The following ZNF430 variants were observed in gnomAD, a reference collection of about 807,000 sequenced individuals.
The protein encoded by ZNF430 is zinc finger protein 430.
In ZNF430, 35 loss-of-function variants were observed where a neutral mutation model predicts 56.7. The ratio of observed to expected loss-of-function variants is 0.62; its 90% CI spans 0.47 to 0.82. The LOEUF is 0.82. Ranked by LOEUF, ZNF430 falls within the 40% of genes least tolerant of loss-of-function variation. The pLI is 0.00. For synonymous variants in ZNF430, 212 were observed against 224.3 expected, an observed-to-expected ratio of 0.94 and a Z score of 0.49; for missense variants, 574 against 661.0, an observed-to-expected ratio of 0.87 and a Z score of 1.44.
chr19:21,037,332 GGTCTC>G (rs199782745), intron 4 of ZNF430, among the ~76,000 whole-genome samples: 2,297 of 151,990 alleles, frequency 0.015, 64 homozygotes, highest in African/African-American at 0.053. Context: ...TGGTCAGGCT[GGTCTC>G]AAACTCCTGA....
intron 2 of ZNF430, 130 bp from the exon 3 acceptor site, chr19:21,033,326 T>A: frequency 7.8e-7 from 1 of 1,274,726 alleles, no homozygotes; most frequent in Non-Finnish European, 1.0e-6. Context: ...AATTATTGGA[T>A]AATTTCAGTC....
chr19:21,040,970 C>T (rs57601660), intron 4 of ZNF430, among the ~76,000 whole-genome samples: 4,786 of 152,162 alleles, frequency 0.031, 238 homozygotes, highest in African/African-American at 0.11. Context: ...TTACTGCCAC[C>T]TCACCCAATT....
At chr19:21,038,786 G>T (rs1311674088) in intron 4 of ZNF430, among the ~76,000 whole-genome samples, 1 of 152,076 alleles carries the variant, frequency 6.6e-6, no homozygotes, top group African/African-American at 2.4e-5. Context: ...TGGGTGTTTG[G>T]CTATAGTTCA....
At position 21,033,715 on chromosome 19, in the gene ZNF430, G is replaced by A. The variant is rs997291394; in HGVS notation, c.223+133G>A. ...TACTTGTTCTTAAGAAAACCTTGAG[G>A]ATTTTTCCATATAGGAAAGAATTTT... On this transcript the variant is annotated intron_variant, in intron 3 of 4. Transcript: ENST00000261560. 1.1e-5 allele frequency: 12 copies of A among 1,133,052 alleles called. No homozygotes were observed. The African/African-American group carries it at 1.8e-4, about 17-fold the overall frequency. 70.2% of individuals were successfully genotyped at this position (1,133,052 alleles called of 1,614,324 possible).
chr19:21,048,448 C>G (rs1474991245), intron 4 of ZNF430, among the ~76,000 whole-genome samples: 1 of 151,734 alleles, frequency 6.6e-6, no homozygotes, highest in African/African-American at 2.4e-5. Context: ...CGCCCTTAAT[C>G]CATTTAACCC....
At chr19:21,052,880 G>A (rs1318507432) in intron 4 of ZNF430, among the ~76,000 whole-genome samples, 2 of 152,128 alleles carry the variant, frequency 1.3e-5, no homozygotes, top group Non-Finnish European at 2.9e-5. Context: ...GCAAGATTGA[G>A]TGTCTGGCAT....
At chr19:21,035,994 G>T (rs981111004) in intron 4 of ZNF430, 8 of 152,078 alleles carry the variant, frequency 5.3e-5, no homozygotes, top group African/African-American at 1.9e-4. Context: ...TTTTTTAATG[G>T]TATATCAGTG....
At chr19:21,049,953 C>G (rs1968256157) in intron 4 of ZNF430, among the ~76,000 whole-genome samples, 1 of 149,820 alleles carries the variant, frequency 6.7e-6, no homozygotes, top group African/African-American at 2.5e-5. Context: ...GAGACAGAGT[C>G]TCTCTCTGTC....
At position 21,056,704 on chromosome 19, in the gene ZNF430, G is replaced by C; in HGVS notation, c.396G>C (p.Leu132Phe). Residue 132 changes from leucine to phenylalanine, a missense_variant, in exon 5 of 5, where the codon TTG becomes TTC. By Grantham distance (22) the Leu-to-Phe change is conservative. Coordinates refer to ENST00000261560, the MANE Select transcript of ZNF430 (RefSeq NM_025189.4). ...AAGATTCTTTCCAAGAAGTCATATT[G>C]AGAAGATATGGAAAATGTGGACATG... ...GIKDSFQEVI[L>F]RRYGKCGHED... The C allele has an allele frequency of 6.2e-7, 1 of 1,606,452 alleles. No individual in the cohort carries two copies. Among genetic ancestry groups the C allele is most frequent in the South Asian group, 1.1e-5 (1 of 89,590 alleles).
At chr19:21,051,431 G>A (rs1749128007) in intron 4 of ZNF430, among the ~76,000 whole-genome samples, 1 of 152,152 alleles carries the variant, frequency 6.6e-6, no homozygotes, top group Non-Finnish European at 1.5e-5. Context: ...CAATAATTAT[G>A]GATATGCAAA....
intron 2 of ZNF430, among the ~76,000 whole-genome samples, chr19:21,023,298 A>T (rs972215200): frequency 4.9e-4 from 75 of 152,264 alleles, no homozygotes; most frequent in African/African-American, 1.7e-3. Context: ...TGAGTCAGAC[A>T]CATCTGTTTT....
intron 2 of ZNF430, among the ~76,000 whole-genome samples, chr19:21,027,940 T>C (rs960499322): frequency 1.3e-5 from 2 of 152,236 alleles, no homozygotes; most frequent in African/African-American, 4.8e-5. Context: ...TCATGTTGCC[T>C]CAGCTTTTTC....
intron 4 of ZNF430, among the ~76,000 whole-genome samples, chr19:21,056,156 T>C (rs1968372280): frequency 6.6e-6 from 1 of 152,182 alleles, no homozygotes; most frequent in Admixed American, 6.5e-5. Context: ...TTGTTGGATG[T>C]TTTTGTTACA....
intron 4 of ZNF430, chr19:21,036,222 GTGTT>G (rs1002026866): frequency 2.7e-5 from 5 of 185,550 alleles, no homozygotes; most frequent in Non-Finnish European, 4.1e-5. Context: ...ATGTGTGTGT[GTGTT>G]TATCTATAAA....
At chr19:21,048,091 A>T (rs141863314) in intron 4 of ZNF430, among the ~76,000 whole-genome samples, 1 of 149,200 alleles carries the variant, frequency 6.7e-6, no homozygotes, top group South Asian at 2.1e-4. Context: ...TTTTTTGCAT[A>T]CTTTTTATAA....
Position 21,056,673 on chromosome 19 carries a change from G to A in ZNF430, c.365G>A (p.Gly122Asp), listed in dbSNP as rs1355880085. The A allele has an allele frequency of 6.3e-7, 1 of 1,584,938 alleles. No individual in the cohort carries two copies. Among genetic ancestry groups the A allele is most frequent in the East Asian group, 2.2e-5 (1 of 44,560 alleles). The change falls in exon 5 of 5, where the codon GGC (glycine) becomes GAC (aspartate). Residue 122 changes from glycine (G) to aspartate (D), a missense_variant. Transcript: ENST00000261560. ...GCCCAAGACCTTTGGCCAGAGCAGGGCATAAAAGATTCTTTCCAAGAAGTC... is the reference window on the plus strand; with the variant it reads ...GCCCAAGACCTTTGGCCAGAGCAGGACATAAAAGATTCTTTCCAAGAAGTC... ...HFAQDLWPEQ[G>D]IKDSFQEVIL... is the part of the protein sequence containing the mutation.
chr19:21,024,611 C>G (rs1181991485), intron 2 of ZNF430, among the ~76,000 whole-genome samples: 2 of 151,824 alleles, frequency 1.3e-5, no homozygotes, highest in Admixed American at 1.3e-4. Flanking sequence ...AACCCCGTCT[C>G]TACTAAAAAT....
chr19:21,020,859 G>C, intron 1 of ZNF430, 56 bp downstream of exon 1: 1 of 1,611,928 alleles, frequency 6.2e-7, no homozygotes, highest in Non-Finnish European at 8.5e-7. Flanking sequence ...TGTAATGGGT[G>C]GGAAGTGGCT....
rs1054448225 is a variant in ZNF430, at chr19:21,020,735, G to C, written c.-66G>C. ...TGCTCCTAGAGGTCCAGGCTCTGTG[G>C]CCCTGTGACCCGCAGGTATTGGGAG... On this transcript the variant is annotated 5_prime_UTR_variant, in exon 1 of 5. Coordinates refer to ENST00000261560, the MANE Select transcript of ZNF430 (RefSeq NM_025189.4). 1.9e-6 allele frequency: 3 copies of C among 1,603,650 alleles called. No individual in the cohort carries two copies. The highest frequency in any genetic ancestry group is 1.3e-5 in the African/African-American group (1 of 74,586).
Sources: gnomAD v4.1 joint callset for allele counts (sites outside exome capture counted in the v4.1 genomes callset) on GRCh38, gnomAD v4.1.1 for gene constraint, MANE v1.5 for transcripts, NCBI Gene and HGNC (gene_info 2026-07-23, HGNC 2026-07-21) for gene names.